Variants in SLC35F4 observed in about 807,000 individuals in gnomAD.
SLC35F4 encodes chromosome 14 open reading frame 36.
SLC35F4 carries 24 observed loss-of-function variants against 44.2 expected under a neutral mutation model. The observed-to-expected ratio is 0.54, with a 90% CI of 0.39 to 0.76. The LOEUF is 0.76. SLC35F4 is among the 30% of genes least tolerant of loss of function. SLC35F4 has a pLI of 0.00. For missense variants in SLC35F4, 562 were observed against 586.1 expected, an observed-to-expected ratio of 0.96 and a Z score of 0.42; for synonymous variants, 238 against 223.6, an observed-to-expected ratio of 1.06 and a Z score of -0.57.
chr14:57,909,414 T>G (rs950631211), intron 1 of SLC35F4, among the ~76,000 whole-genome samples: 8 of 151,990 alleles, frequency 5.3e-5, no homozygotes, highest in Non-Finnish European at 1.2e-4. Flanking sequence ...AACAGTTTCA[T>G]AGCCCTAAAA....
At chr14:57,961,490 C>T (rs375442821) in intron 1 of SLC35F4, among the ~76,000 whole-genome samples, 5 of 152,206 alleles carry the variant, frequency 3.3e-5, no homozygotes, top group African/African-American at 9.6e-5. Flanking sequence ...CATGCTTGTC[C>T]CTGTTATAGT....
At chr14:57,890,979 C>T (rs564543469) in intron 1 of SLC35F4, among the ~76,000 whole-genome samples, 3 of 152,216 alleles carry the variant, frequency 2.0e-5, no homozygotes, top group African/African-American at 7.2e-5. Flanking sequence ...GTTGAAACAG[C>T]TTTCTAGGAA....
intron 4 of SLC35F4, among the ~76,000 whole-genome samples, chr14:57,578,335 T>G (rs1028827953): frequency 2.4e-5 from 2 of 84,316 alleles, no homozygotes; most frequent in South Asian, 4.9e-4. Flanking sequence ...GTTTTTTTTT[T>G]TTTTTTTTTT....
In SLC35F4 at chr14:57,655,791, C is replaced by T. The variant is rs190240103; in HGVS notation, c.104-61667G>A. On this transcript the variant is annotated intron_variant, in intron 1 of 7. Coordinates refer to ENST00000556826, the MANE Select transcript of SLC35F4 (RefSeq NM_001306087.2). ...CTCACTTCGGACTCAAGTGTCATGA[C>T]TCACAACCAATTACCAACAGTGTCA... 3.1e-3 allele frequency among the ~76,000 whole-genome samples: 468 copies of T among 152,296 alleles called. 1 individual carries two copies. The highest frequency in any genetic ancestry group is 0.01 in the African/African-American group (436 of 41,556).
intron 3 of SLC35F4, among the ~76,000 whole-genome samples, chr14:57,581,826 C>CTCCT (rs1164849067): frequency 2.0e-5 from 3 of 152,232 alleles, no homozygotes; most frequent in Admixed American, 6.5e-5. Context: ...GAACGGGCTA[C>CTCCT]AGACAACTCC....
chr14:57,568,617 C>G (rs2068324178), intron 6 of SLC35F4, among the ~76,000 whole-genome samples: 1 of 152,144 alleles, frequency 6.6e-6, no homozygotes, highest in Admixed American at 6.5e-5. Flanking sequence ...TGTCGAAGAC[C>G]TCCCTGAGTC....
intron 1 of SLC35F4, among the ~76,000 whole-genome samples, chr14:57,667,118 A>T (rs2074336345): frequency 1.3e-5 from 2 of 151,062 alleles, no homozygotes; most frequent in South Asian, 4.2e-4. Context: ...TAAAGAAAGC[A>T]TTAAAATCAC....
At chr14:57,590,503 A>G (rs1216290905) in intron 2 of SLC35F4, among the ~76,000 whole-genome samples, 1 of 152,180 alleles carries the variant, frequency 6.6e-6, no homozygotes, top group Non-Finnish European at 1.5e-5. Context: ...TATTTCTGGG[A>G]GCACAATAAA....
chr14:57,611,352 G>A (rs2071485879), intron 1 of SLC35F4, among the ~76,000 whole-genome samples: 1 of 152,168 alleles, frequency 6.6e-6, no homozygotes, highest in African/African-American at 2.4e-5. Flanking sequence ...TTGGTCATAT[G>A]AAGTTGGGTG....
intron 3 of SLC35F4, among the ~76,000 whole-genome samples, chr14:57,588,204 TAAGTTTATAAGA>T (rs2139877855): frequency 6.6e-6 from 1 of 152,322 alleles, no homozygotes; most frequent in East Asian, 1.9e-4. Context: ...CCTTCAAAGT[TAAGTTTATAAGA>T]AGAGTCGTAT....
At chr14:57,806,366 G>T (rs981486197) in intron 1 of SLC35F4, among the ~76,000 whole-genome samples, 1 of 152,050 alleles carries the variant, frequency 6.6e-6, no homozygotes, top group Non-Finnish European at 1.5e-5. Context: ...AAATAAAGGT[G>T]CTATTTTATT....
At chr14:57,688,074 G>C (rs1413003202) in intron 1 of SLC35F4, among the ~76,000 whole-genome samples, 1 of 152,072 alleles carries the variant, frequency 6.6e-6, no homozygotes, top group Non-Finnish European at 1.5e-5. Flanking sequence ...CATTTATAAA[G>C]AGCCTGAATT....
At chr14:57,654,376 A>G (rs58623679) in intron 1 of SLC35F4, among the ~76,000 whole-genome samples, 22,063 of 152,226 alleles carry the variant, frequency 0.14, 1,828 homozygotes, top group East Asian at 0.29. Context: ...CTTCACTTAG[A>G]ATAATGGCCT....
chr14:57,820,476 G>A (rs147590182), intron 1 of SLC35F4, among the ~76,000 whole-genome samples: 114 of 152,264 alleles, frequency 7.5e-4, no homozygotes, highest in Non-Finnish European at 1.1e-3. Context: ...TAACGTATAA[G>A]CCAATGCAAG....
chr14:57,975,110 C>T (rs1881176416), downstream of SLC35F4, among the ~76,000 whole-genome samples: 1 of 152,218 alleles, frequency 6.6e-6, no homozygotes, highest in African/African-American at 2.4e-5. Flanking sequence ...GGTGCTTGTC[C>T]ATGAGTCACA....
At position 57,677,405 on chromosome 14, in the gene SLC35F4, GA is replaced by G. The variant is rs956064881; in HGVS notation, c.104-83282del. The stretch of plus-strand genomic sequence containing the variant: ...AACCTTCTTTACCCCCAAAACTATT[GA>G]AAAAAAAATAAAAATTATTTAAAAA... On this transcript the variant is annotated intron_variant, in intron 1 of 7. Coordinates refer to ENST00000556826, the MANE Select transcript of SLC35F4 (RefSeq NM_001306087.2). Among the ~76,000 whole-genome samples the G allele has an allele frequency of 9.1e-4, 112 of 122,528 alleles. 1 individual carries two copies. The highest frequency in any genetic ancestry group is 2.9e-3 in the African/African-American group (79 of 27,524). The allele number at this position is 122,528 out of a possible 152,430, so 80.4% of individuals were successfully genotyped here.
At chr14:57,843,328 C>G (rs764511904) in intron 1 of SLC35F4, among the ~76,000 whole-genome samples, 17 of 152,228 alleles carry the variant, frequency 1.1e-4, no homozygotes, top group African/African-American at 1.4e-4. Context: ...TGCCAGGATC[C>G]TGACTGAATA....
At chr14:57,643,863 C>T (rs967898019) in intron 1 of SLC35F4, among the ~76,000 whole-genome samples, 44 of 151,942 alleles carry the variant, frequency 2.9e-4, no homozygotes, top group African/African-American at 7.7e-4. Context: ...TGAGAATATG[C>T]GGTGTTTGGT....
intron 1 of SLC35F4, among the ~76,000 whole-genome samples, chr14:57,854,429 G>A (rs1238448552): frequency 6.6e-6 from 1 of 152,230 alleles, no homozygotes; most frequent in East Asian, 1.9e-4. Flanking sequence ...TGTTACATTT[G>A]TGGCTACATA....
Sources: gnomAD v4.1 joint callset for allele counts (sites outside exome capture counted in the v4.1 genomes callset) on GRCh38, gnomAD v4.1.1 for gene constraint, MANE v1.5 for transcripts, NCBI Gene and HGNC (gene_info 2026-07-23, HGNC 2026-07-21) for gene names.